The following DPY19L4 variants were observed in gnomAD, a reference collection of about 807,000 sequenced individuals.
The protein encoded by DPY19L4 is probable C-mannosyltransferase DPY19L4.
In DPY19L4, 97 loss-of-function variants were observed where a neutral mutation model predicts 102.8. The observed-to-expected ratio is 0.94, with a 90% CI of 0.80 to 1.12. The LOEUF is 1.12. Among genes scored for constraint, DPY19L4 ranks in the 50% most tolerant of loss-of-function variants. The pLI, the probability that DPY19L4 is intolerant of heterozygous loss-of-function variation, is 0.00. For missense variants in DPY19L4, 815 were observed against 850.4 expected, an observed-to-expected ratio of 0.96 and a Z score of 0.52; for synonymous variants, 252 against 283.1, an observed-to-expected ratio of 0.89 and a Z score of 1.10.
intron 6 of DPY19L4, among the ~76,000 whole-genome samples, chr8:94,743,981 G>T (rs531368866): frequency 6.6e-6 from 1 of 152,238 alleles, no homozygotes. Flanking sequence ...ACTCCAGCCA[G>T]GGTGACAGAG....
intron 11 of DPY19L4, 121 bp from the exon 12 acceptor site, chr8:94,768,274 T>TATAAGTA: frequency 1.4e-6 from 1 of 720,648 alleles, no homozygotes; most frequent in Non-Finnish European, 2.2e-6. Flanking sequence ...ACCTTGCTAA[T>TATAAGTA]ATAAGTAAAC....
intron 7 of DPY19L4, among the ~76,000 whole-genome samples, chr8:94,759,922 G>A (rs1812330984): frequency 6.6e-6 from 1 of 152,142 alleles, no homozygotes; most frequent in South Asian, 2.1e-4. Context: ...CAATTATCTG[G>A]AGTCATTCAG....
At chr8:94,764,214 G>T (rs2130882998) in intron 8 of DPY19L4, among the ~76,000 whole-genome samples, 1 of 152,226 alleles carries the variant, frequency 6.6e-6, no homozygotes, top group East Asian at 1.9e-4. Context: ...AATTAAGAAG[G>T]TTCTTCCAGT....
intron 6 of DPY19L4, among the ~76,000 whole-genome samples, chr8:94,752,603 A>G (rs2130854442): frequency 6.7e-6 from 1 of 148,708 alleles, no homozygotes; most frequent in East Asian, 2.0e-4. Flanking sequence ...AAAAAAAAAA[A>G]AAAATAGAAA....
chr8:94,770,801 G>T (rs1285452565), intron 13 of DPY19L4, among the ~76,000 whole-genome samples: 2 of 151,760 alleles, frequency 1.3e-5, no homozygotes, highest in Non-Finnish European at 2.9e-5. Context: ...GAGGTGGCAG[G>T]ATCTCTCGAA....
chr8:94,776,471 A>C (rs921938748), intron 13 of DPY19L4, among the ~76,000 whole-genome samples: 1 of 151,466 alleles, frequency 6.6e-6, no homozygotes, highest in African/African-American at 2.4e-5. Flanking sequence ...ACCCAGCCCC[A>C]GGTGTTATTT....
chr8:94,722,735 G>A (rs1339217154), intron 1 of DPY19L4, among the ~76,000 whole-genome samples: 1 of 152,020 alleles, frequency 6.6e-6, no homozygotes, highest in African/African-American at 2.4e-5. Flanking sequence ...CCCAGAATCC[G>A]TATTATCTTT....
intron 7 of DPY19L4, among the ~76,000 whole-genome samples, chr8:94,757,836 G>T (rs571216893): frequency 2.0e-5 from 3 of 152,246 alleles, no homozygotes; most frequent in Admixed American, 6.5e-5. Context: ...GCCGGGTGTG[G>T]TGGCTCACAC....
chr8:94,763,134 A>G (rs1812468578), intron 8 of DPY19L4, among the ~76,000 whole-genome samples: 1 of 150,616 alleles, frequency 6.6e-6, no homozygotes, highest in Non-Finnish European at 1.5e-5. Flanking sequence ...TTGTTAGTAG[A>G]GACAGAGTTT....
intron 6 of DPY19L4, among the ~76,000 whole-genome samples, chr8:94,752,082 T>C (rs1326205078): frequency 6.6e-6 from 1 of 152,174 alleles, no homozygotes; most frequent in East Asian, 1.9e-4. Context: ...GGCTAGGTCA[T>C]ATGGCTGGTG....
At position 94,756,127 on chromosome 8, in the gene DPY19L4, T is replaced by A. The variant is rs1288287342; in HGVS notation, c.703T>A (p.Tyr235Asn). The change falls in exon 7 of 19, where the codon TAT (tyrosine) becomes AAT (asparagine). Residue 235 changes from tyrosine to asparagine, a missense_variant. Physicochemically the swap from Tyr to Asn is moderately radical, Grantham distance 143. Coordinates refer to ENST00000414645, the MANE Select transcript of DPY19L4 (RefSeq NM_181787.3). The part of the protein sequence containing the change: ...FACQIAALTG[Y>N]LKSNLNTYGE... ...ATGCCAAATTGCTGCACTTACAGGC[T>A]ATTTAAAAAGCAACTTAAATACTTA... The A allele has an allele frequency of 6.2e-7, 1 of 1,613,842 alleles. No homozygotes were observed. Among genetic ancestry groups the A allele is most frequent in the Non-Finnish European group, 8.5e-7 (1 of 1,179,900 alleles).
chr8:94,767,168 C>A (rs1037411068), intron 11 of DPY19L4, among the ~76,000 whole-genome samples: 3 of 152,096 alleles, frequency 2.0e-5, no homozygotes, highest in African/African-American at 7.2e-5. Context: ...CATTCTCAGT[C>A]CATCACTGAG....
At chr8:94,749,061 A>G (rs1420376949) in intron 6 of DPY19L4, among the ~76,000 whole-genome samples, 1 of 152,160 alleles carries the variant, frequency 6.6e-6, no homozygotes, top group African/African-American at 2.4e-5. Flanking sequence ...TATGCAGAGA[A>G]ACTCCTCTTT....
intron 11 of DPY19L4, among the ~76,000 whole-genome samples, chr8:94,768,137 G>T (rs1294423109): frequency 6.6e-6 from 1 of 152,048 alleles, no homozygotes; most frequent in East Asian, 1.9e-4. Flanking sequence ...GCTATATTGG[G>T]CTTTAGAGAT....
chr8:94,720,284 G>A lies in DPY19L4; in HGVS notation c.16+270G>A, dbSNP rs56770571. 4,666 of 983,788 alleles carry A rather than the reference G, an allele frequency of 4.7e-3. 161 individuals carry two copies. The African/African-American group carries it at 0.073, about 15-fold the overall frequency. The allele number at this position is 983,788 out of a possible 1,614,324, so 60.9% of individuals were successfully genotyped here. ...CGTAGCAAGAGAGAAAGCTGTGCCGGGAGTGGTTGGGAAAGAGGGAGGGTC... is the reference window on the plus strand; with the variant it reads ...CGTAGCAAGAGAGAAAGCTGTGCCGAGAGTGGTTGGGAAAGAGGGAGGGTC... On this transcript the variant is annotated intron_variant, in intron 1 of 18. Transcript: ENST00000414645.
At chr8:94,729,269 G>A (rs1338624033) in intron 2 of DPY19L4, among the ~76,000 whole-genome samples, 1 of 152,054 alleles carries the variant, frequency 6.6e-6, no homozygotes, top group Non-Finnish European at 1.5e-5. Flanking sequence ...CTACTTGGGA[G>A]GCTGAGACAG....
At chr8:94,737,542 A>G (rs1423990183) in intron 3 of DPY19L4, among the ~76,000 whole-genome samples, 1 of 150,572 alleles carries the variant, frequency 6.6e-6, no homozygotes, top group Non-Finnish European at 1.5e-5. Flanking sequence ...CCAACACTTT[A>G]GGAGGCCGAG....
At chr8:94,765,033 TA>T (rs932936715) in intron 8 of DPY19L4, 149 bp from the exon 9 acceptor site, 42 of 657,142 alleles carry the variant, frequency 6.4e-5, no homozygotes, top group Non-Finnish European at 8.3e-5. Flanking sequence ...CGGCCAACAT[TA>T]AAAATATTGA....
At chr8:94,747,250 G>A (rs938764418) in intron 6 of DPY19L4, among the ~76,000 whole-genome samples, 9 of 151,898 alleles carry the variant, frequency 5.9e-5, no homozygotes, top group East Asian at 3.9e-4. Flanking sequence ...GTGGGGTCTC[G>A]CCATGCTGCC....
Sources: allele counts gnomAD v4.1 joint callset (sites outside exome capture counted in the v4.1 genomes callset), GRCh38; gene constraint gnomAD v4.1.1; transcripts MANE v1.5; gene names NCBI Gene and HGNC (gene_info 2026-07-23, HGNC 2026-07-21).